Variants in YES1 observed in about 807,000 individuals in gnomAD.
The protein encoded by YES1 is YES proto-oncogene 1, Src family tyrosine kinase.
YES1 carries 39 observed loss-of-function variants against 70.4 expected under a neutral mutation model. That is an observed-to-expected ratio of 0.55 (90% CI 0.43 to 0.72). The LOEUF is 0.72. Ranked by LOEUF, YES1 falls within the 30% of genes least tolerant of loss-of-function variation. YES1 has a pLI of 0.00. For missense variants in YES1, 495 were observed against 644.8 expected, an observed-to-expected ratio of 0.77 and a Z score of 2.52; for synonymous variants, 198 against 218.6, an observed-to-expected ratio of 0.91 and a Z score of 0.83.
At chr18:798,762 G>A (rs1906669442) in intron 1 of YES1, among the ~76,000 whole-genome samples, 1 of 151,954 alleles carries the variant, frequency 6.6e-6, no homozygotes, top group South Asian at 2.1e-4. Context: ...ACTCCTTCAG[G>A]GGGTACACTG....
chr18:811,721 A>G (rs79468730), intron 1 of YES1, among the ~76,000 whole-genome samples: 9,142 of 152,260 alleles, frequency 0.06, 386 homozygotes, highest in East Asian at 0.12. Flanking sequence ...CCCAGCCTTT[A>G]GGACCCAAAG....
At chr18:808,370 A>T (rs978903483) in intron 1 of YES1, among the ~76,000 whole-genome samples, 2 of 152,232 alleles carry the variant, frequency 1.3e-5, no homozygotes, top group Non-Finnish European at 2.9e-5. Context: ...AGCAATACTC[A>T]GCCTAATTGT....
At chr18:748,118 C>T in intron 3 of YES1, 100 bp from the exon 4 acceptor site, 4 of 904,196 alleles carry the variant, frequency 4.4e-6, no homozygotes, top group Non-Finnish European at 6.8e-6. Context: ...AAGGGTATTA[C>T]TTTCATTTTT....
intron 1 of YES1, among the ~76,000 whole-genome samples, chr18:770,319 CA>C (rs939776056): frequency 1.4e-4 from 20 of 147,724 alleles, no homozygotes; most frequent in South Asian, 6.5e-4. Context: ...TTTCGTCCTT[CA>C]ATGTGAGTGA....
In YES1 at chr18:751,798, A is replaced by C. The variant is rs769552759; in HGVS notation, c.278T>G (p.Val93Gly). ...ATCATATAAGGCCACAAATATAGTA[A>C]CACCACCTATCAGAGGGAAAAAAGA... ...SSYPAGLTGG[V>G]TIFVALYDYE... The change falls in exon 3 of 12, where the codon GTT (valine) becomes GGT (glycine). Residue 93 changes from valine to glycine, a missense_variant. Around this residue, in one of 2 missense-constraint regions of YES1, gnomAD observed 385 missense variants for 540.9 expected, o/e 0.71. Transcript: ENST00000314574. The C allele has an allele frequency of 1.3e-6, 2 of 1,583,158 alleles. No individual in the cohort carries two copies. Among genetic ancestry groups the C allele is most frequent in the Non-Finnish European group, 1.7e-6 (2 of 1,153,456 alleles).
intron 1 of YES1, among the ~76,000 whole-genome samples, chr18:768,414 G>A (rs575464208): frequency 1.6e-4 from 25 of 152,180 alleles, no homozygotes; most frequent in African/African-American, 5.8e-4. Flanking sequence ...CATGAATGTG[G>A]TATTTTATTT....
intron 1 of YES1, among the ~76,000 whole-genome samples, chr18:763,528 CTACAAAAAA>C (rs1248171959): frequency 6.6e-6 from 1 of 151,580 alleles, no homozygotes; most frequent in Non-Finnish European, 1.5e-5. Context: ...AACCCCGTCT[CTACAAAAAA>C]TACAAAAAAT....
intron 1 of YES1, among the ~76,000 whole-genome samples, chr18:766,389 A>G (rs1354273292): frequency 6.6e-6 from 1 of 152,130 alleles, no homozygotes; most frequent in Non-Finnish European, 1.5e-5. Flanking sequence ...CTTGTTATTA[A>G]CACTTTTAAA....
intron 10 of YES1, chr18:735,919 T>G (rs1568186972): frequency 6.6e-6 from 1 of 152,348 alleles, no homozygotes; most frequent in Non-Finnish European, 1.5e-5. Flanking sequence ...GCCTGCCATT[T>G]TAGCACTTTG....
chr18:770,257 G>A (rs1217175618), intron 1 of YES1, among the ~76,000 whole-genome samples: 3 of 140,774 alleles, frequency 2.1e-5, no homozygotes, highest in Non-Finnish European at 4.5e-5. Context: ...CACTGCGCCC[G>A]GCCCTTTTAT....
At chr18:806,581 G>T (rs538075418) in intron 1 of YES1, among the ~76,000 whole-genome samples, 4 of 151,844 alleles carry the variant, frequency 2.6e-5, no homozygotes, top group African/African-American at 4.8e-5. Context: ...AATTTATTTA[G>T]TATTTATTGT....
intron 1 of YES1, among the ~76,000 whole-genome samples, chr18:768,972 G>A (rs574187314): frequency 1.3e-5 from 2 of 152,218 alleles, no homozygotes; most frequent in East Asian, 3.9e-4. Context: ...CGAAGTGCTG[G>A]GATACAGGCA....
chr18:792,553 C>CTCAA (rs1239188247), intron 1 of YES1, among the ~76,000 whole-genome samples: 8 of 106,618 alleles, frequency 7.5e-5, no homozygotes, highest in Non-Finnish European at 1.6e-4. Flanking sequence ...CTCTCTCTCT[C>CTCAA]TCCCTCTGTA....
rs533164056 is a variant in YES1 at position 785,528 on chromosome 18, G to C, written c.-9+26586C>G. On this transcript the variant is annotated intron_variant, in intron 1 of 11. Coordinates refer to ENST00000314574, the MANE Select transcript of YES1 (RefSeq NM_005433.4). ...GTCTGAATTCTGGTAGTAGGGCTGT[G>C]GTTGGCATTACATCCAGCCTGTTCA... Among the ~76,000 whole-genome samples the C allele has an allele frequency of 8.3e-4, 126 of 152,196 alleles. No homozygotes were observed. The Middle Eastern group carries it at 0.014, about 16-fold the overall frequency.
At position 777,789 on chromosome 18, in the gene YES1, A is replaced by G. The variant is rs1320237654; in HGVS notation, c.-8-20954T>C. 2.0e-5 allele frequency among the ~76,000 whole-genome samples: 3 copies of G among 150,878 alleles called. No individual in the cohort carries two copies. In the Admixed American group the frequency reaches 2.0e-4, roughly 10 times the overall value. On this transcript the variant is annotated intron_variant, in intron 1 of 11. Coordinates refer to ENST00000314574, the MANE Select transcript of YES1 (RefSeq NM_005433.4). Reference sequence around the variant, plus strand: ...GCCATTACACTCCAGCCTGGACAACAGAGTGAGACTCTGGCTTAAAAAAAA... The same window carrying G: ...GCCATTACACTCCAGCCTGGACAACGGAGTGAGACTCTGGCTTAAAAAAAA...
At chr18:727,893 T>C (rs185308116) in intron 11 of YES1, among the ~76,000 whole-genome samples, 1 of 152,314 alleles carries the variant, frequency 6.6e-6, no homozygotes. Context: ...TGACTGTTGT[T>C]CCTGCGTAGA....
At chr18:758,077 A>G (rs1173186016) in intron 1 of YES1, among the ~76,000 whole-genome samples, 1 of 152,294 alleles carries the variant, frequency 6.6e-6, no homozygotes, top group African/African-American at 2.4e-5. Flanking sequence ...CATAATTTTA[A>G]ATTTTCTAAT....
chr18:795,761 G>C (rs575692291), intron 1 of YES1, among the ~76,000 whole-genome samples: 54 of 151,512 alleles, frequency 3.6e-4, no homozygotes, highest in African/African-American at 1.2e-3. Context: ...GTTAGGGGGT[G>C]GGGGGAAGGG....
At chr18:757,722 T>C (rs559843421) in intron 1 of YES1, among the ~76,000 whole-genome samples, 1 of 151,778 alleles carries the variant, frequency 6.6e-6, no homozygotes, top group South Asian at 2.1e-4. Flanking sequence ...CTAGGGAGGC[T>C]GAGGCATGAG....
Sources: gnomAD v4.1 joint callset for allele counts (sites outside exome capture counted in the v4.1 genomes callset) on GRCh38, gnomAD v4.1.1 for gene constraint, gnomAD v4.1.1 regional missense constraint, MANE v1.5 for transcripts, NCBI Gene and HGNC (gene_info 2026-07-23, HGNC 2026-07-21) for gene names.